DLGAP1: variants seen among roughly 807,000 people sequenced by gnomAD.
DLGAP1 encodes disks large-associated protein 1.
A neutral mutation model predicts 90.8 loss-of-function variants in DLGAP1; 11 were observed. That is an observed-to-expected ratio of 0.12 (90% CI 0.08 to 0.20). The LOEUF (loss-of-function observed/expected upper bound fraction) is 0.20, where lower values mean the gene tolerates loss of function less well. Among genes scored for constraint, DLGAP1 ranks in the 10% least tolerant of loss-of-function variants. The pLI, the probability that DLGAP1 is intolerant of heterozygous loss-of-function variation, is 1.00. For synonymous variants in DLGAP1, 558 were observed against 540.7 expected, an observed-to-expected ratio of 1.03 and a Z score of -0.44; for missense variants, 1,050 against 1,333.8, an observed-to-expected ratio of 0.79 and a Z score of 3.31.
intron 1 of DLGAP1, among the ~76,000 whole-genome samples, chr18:4,351,062 T>C (rs1034949455): frequency 2.0e-5 from 3 of 152,180 alleles, no homozygotes; most frequent in Non-Finnish European, 4.4e-5. Flanking sequence ...CCAGAAAGCA[T>C]AAAGATTAAA....
At chr18:3,880,299 C>G (rs538444856) in intron 3 of DLGAP1, among the ~76,000 whole-genome samples, 159 bp from the exon 4 acceptor site, 2 of 152,156 alleles carry the variant, frequency 1.3e-5, no homozygotes, top group South Asian at 2.1e-4. Context: ...TCCTTCCACA[C>G]CAGCCTCCCG....
chr18:3,952,678 C>A (rs957456522), intron 3 of DLGAP1, among the ~76,000 whole-genome samples: 1 of 152,168 alleles, frequency 6.6e-6, no homozygotes, highest in South Asian at 2.1e-4. Context: ...AACATATACT[C>A]ATTGGTCAAG....
chr18:3,604,056 G>A (rs1219056484), intron 7 of DLGAP1: 1 of 154,442 alleles, frequency 6.5e-6, no homozygotes, highest in Admixed American at 6.5e-5. Context: ...AAATGCCTGT[G>A]ACGTTCGTGA....
chr18:3,647,632 A>G (rs955827102), intron 7 of DLGAP1, among the ~76,000 whole-genome samples: 2 of 151,870 alleles, frequency 1.3e-5, no homozygotes, highest in African/African-American at 4.8e-5. Context: ...CGCCTGGCTA[A>G]TTTTTGTATT....
chr18:4,151,973 AAAT>A (rs944710804), intron 1 of DLGAP1, among the ~76,000 whole-genome samples: 1 of 152,172 alleles, frequency 6.6e-6, no homozygotes, highest in Non-Finnish European at 1.5e-5. Flanking sequence ...ACTTAAAGTA[AAAT>A]AATAATAATA....
chr18:4,240,497 A>ATT (rs1422236250), intron 1 of DLGAP1, among the ~76,000 whole-genome samples: 1 of 152,150 alleles, frequency 6.6e-6, no homozygotes, highest in Non-Finnish European at 1.5e-5. Context: ...GACTAATTAT[A>ATT]ATCTCTTGAA....
At chr18:4,105,507 C>T (rs4798169) in intron 2 of DLGAP1, among the ~76,000 whole-genome samples, 63,943 of 152,040 alleles carry the variant, frequency 0.42, 14,244 homozygotes, top group African/African-American at 0.58. Flanking sequence ...TTTAGCAACA[C>T]TACTTAAATT....
chr18:3,632,580 G>C (rs2058563535), intron 7 of DLGAP1, among the ~76,000 whole-genome samples: 1 of 152,168 alleles, frequency 6.6e-6, no homozygotes, highest in South Asian at 2.1e-4. Context: ...TACGATTACA[G>C]GTGTGAGCCA....
chr18:4,335,581 AAAAG>A, intron 1 of DLGAP1, among the ~76,000 whole-genome samples: 1 of 149,734 alleles, frequency 6.7e-6, no homozygotes, highest in African/African-American at 2.6e-5. Context: ...CTGGCTCTGG[AAAAG>A]GAAGGAAACA....
At chr18:3,571,172 A>C (rs564293209) in intron 8 of DLGAP1, 3 of 151,910 alleles carry the variant, frequency 2.0e-5, no homozygotes, top group Admixed American at 6.6e-5. Flanking sequence ...ATAGTAAATA[A>C]TTTTCCATTT....
chr18:3,670,034 G>A (rs1426593640), intron 7 of DLGAP1, among the ~76,000 whole-genome samples: 1 of 152,120 alleles, frequency 6.6e-6, no homozygotes, highest in Non-Finnish European at 1.5e-5. Flanking sequence ...TAGGGTGTGC[G>A]ATGGGAACAA....
chr18:3,678,043 C>T (rs1201164691), intron 7 of DLGAP1, among the ~76,000 whole-genome samples: 6 of 150,226 alleles, frequency 4.0e-5, no homozygotes, highest in Non-Finnish European at 8.8e-5. Context: ...CTCACTGCAA[C>T]CTCCATTTCC....
intron 3 of DLGAP1, among the ~76,000 whole-genome samples, chr18:3,924,254 C>T (rs78597997): frequency 1.3e-5 from 2 of 152,144 alleles, no homozygotes; most frequent in African/African-American, 2.4e-5. Context: ...CTTGCATATA[C>T]CCTCCTCAAT....
chr18:3,706,629 G>C (rs555514955), intron 7 of DLGAP1, among the ~76,000 whole-genome samples: 1 of 152,178 alleles, frequency 6.6e-6, no homozygotes, highest in Non-Finnish European at 1.5e-5. Flanking sequence ...TGTTGGAGAT[G>C]GAGCTTATCG....
At chr18:4,363,412 T>C (rs988778765) in intron 1 of DLGAP1, among the ~76,000 whole-genome samples, 2 of 152,184 alleles carry the variant, frequency 1.3e-5, no homozygotes, top group Non-Finnish European at 2.9e-5. Flanking sequence ...AAACATACAC[T>C]GTAATAATTC....
At chr18:3,872,907 C>T (rs998252716) in intron 4 of DLGAP1, among the ~76,000 whole-genome samples, 20 of 152,144 alleles carry the variant, frequency 1.3e-4, no homozygotes, top group African/African-American at 4.1e-4. Flanking sequence ...CTAACTAATG[C>T]TATGCCTTTA....
rs544385594 is a variant in DLGAP1, at chr18:4,255,585, A to G, written c.-266-104298T>C. ...ATTTTCCCTATTCAGTAAAGTGCCA[A>G]TTTTAAGCATGGGGAAAAGAGCACC... On this transcript the variant is annotated intron_variant, in intron 1 of 12. Transcript: ENST00000315677. Among the ~76,000 whole-genome samples the G allele has an allele frequency of 8.6e-5, 13 of 151,668 alleles. No individual in the cohort carries two copies. The East Asian group carries it at 2.5e-3, about 29-fold the overall frequency.
intron 4 of DLGAP1, among the ~76,000 whole-genome samples, chr18:3,866,720 CTT>C (rs1398183691): frequency 6.6e-6 from 1 of 152,164 alleles, no homozygotes; most frequent in African/African-American, 2.4e-5. Flanking sequence ...TTTCTAGAAA[CTT>C]TAGCAATAGA....
chr18:3,649,795 TA>T (rs71996354), intron 7 of DLGAP1, among the ~76,000 whole-genome samples: 13,538 of 148,110 alleles, frequency 0.091, 1,128 homozygotes, highest in African/African-American at 0.22. Context: ...AAGATAAACT[TA>T]AAAAAAAAAG....
Sources: allele counts gnomAD v4.1 joint callset (sites outside exome capture counted in the v4.1 genomes callset), GRCh38; gene constraint gnomAD v4.1.1; transcripts MANE v1.5; gene names NCBI Gene and HGNC (gene_info 2026-07-23, HGNC 2026-07-21).